The following CPA5 variants were observed in gnomAD, a reference collection of about 807,000 sequenced individuals.
CPA5 encodes carboxypeptidase A5, also known as testicular tissue protein Li 32.
A neutral mutation model predicts 52.2 loss-of-function variants in CPA5; 38 were observed. The observed-to-expected ratio is 0.73, with a 90% CI of 0.56 to 0.95. The LOEUF (loss-of-function observed/expected upper bound fraction) is 0.95. Among genes scored for constraint, CPA5 ranks in the 40% least tolerant of loss-of-function variants. The pLI, the probability that CPA5 is intolerant of heterozygous loss-of-function variation, is 0.00. For missense variants in CPA5, 519 were observed against 566.7 expected, an observed-to-expected ratio of 0.92 and a Z score of 0.86; for synonymous variants, 198 against 213.7, an observed-to-expected ratio of 0.93 and a Z score of 0.64.
At chr7:130,365,319 C>T (rs1281468778) in intron 10 of CPA5, among the ~76,000 whole-genome samples, 6 of 152,198 alleles carry the variant, frequency 3.9e-5, no homozygotes, top group Middle Eastern at 3.4e-3. Context: ...CCATGGATCC[C>T]AAGATAGGCT....
In CPA5 at chr7:130,367,415, G is replaced by A; in HGVS notation, c.882G>A (p.Gly294=). The change falls in exon 11 of 13, where the codon GGG becomes GGA. Residue 294 remains glycine, a synonymous_variant. Transcript: ENST00000474905. The stretch of plus-strand genomic sequence containing the variant: ...ACCCCTGCTCAGAAACTTATCACGG[G>A]CCCTCCCCTCAGTCGGAGCCGGAGG... ...NSNPCSETYH[G]PSPQSEPEVA... The A allele has an allele frequency of 6.2e-7, 1 of 1,614,060 alleles. No homozygotes were observed. The highest frequency in any genetic ancestry group is 8.5e-7 in the Non-Finnish European group (1 of 1,180,008).
downstream of CPA5, among the ~76,000 whole-genome samples, chr7:130,370,261 T>G (rs1196836193): frequency 5.3e-5 from 8 of 152,142 alleles, no homozygotes; most frequent in South Asian, 4.1e-4. Context: ...ACAACCCAGA[T>G]CATCTTCAGG....
downstream of CPA5, among the ~76,000 whole-genome samples, chr7:130,372,122 C>A (rs1554409995): frequency 6.6e-6 from 1 of 152,222 alleles, no homozygotes; most frequent in African/African-American, 2.4e-5. Context: ...TCCTATTATT[C>A]TCTTTTCCAG....
intron 7 of CPA5, 40 bp from the exon 8 acceptor site, chr7:130,362,398 G>A (rs1180780966): frequency 6.8e-7 from 1 of 1,465,420 alleles, no homozygotes; most frequent in African/African-American, 1.4e-5. Context: ...GTAGCTGTCT[G>A]AGTTCAAACC....
In CPA5 at chr7:130,368,026, A is replaced by T. The variant is rs1454478229; in HGVS notation, c.1123+36A>T. The T allele has an allele frequency of 3.2e-6, 5 of 1,576,366 alleles. No individual in the cohort carries two copies. The African/African-American group carries it at 6.7e-5, about 21-fold the overall frequency. On this transcript the variant is annotated intron_variant, in intron 12 of 12. Transcript: ENST00000474905. ...CTCCCCTGGCCCTGCTTCAGACACCACATCTACCTGGGGCTGGCTGCAGGG... is the reference window on the plus strand; with the variant it reads ...CTCCCCTGGCCCTGCTTCAGACACCTCATCTACCTGGGGCTGGCTGCAGGG...
At chr7:130,352,238 A>G (rs1795193370) in intron 5 of CPA5, among the ~76,000 whole-genome samples, 1 of 152,092 alleles carries the variant, frequency 6.6e-6, no homozygotes, top group South Asian at 2.1e-4. Context: ...AGGCAGGGCC[A>G]TTCATTCCAC....
chr7:130,347,817 C>T lies in CPA5; in HGVS notation c.168C>T (p.Leu56=), dbSNP rs200934449. Reference sequence around the variant, plus strand: ...AAGATGAGAAGCAGCTTTCACTTCTCGGGGATCTGGAGGGCCTGAAACCCC... The same window carrying T: ...AAGATGAGAAGCAGCTTTCACTTCTTGGGGATCTGGAGGGCCTGAAACCCC... The part of the protein sequence containing the change: ...LAKDEKQLSL[L]GDLEGLKPQK... The change falls in exon 4 of 13, where the codon CTC becomes CTT. Residue 56 remains leucine (L), a synonymous_variant. Coordinates refer to ENST00000474905, the MANE Select transcript of CPA5 (RefSeq NM_080385.5). 1.5e-5 allele frequency: 25 copies of T among 1,614,104 alleles called. No homozygotes were observed. Among genetic ancestry groups the T allele is most frequent in the African/African-American group, 1.3e-4 (10 of 75,016 alleles).
chr7:130,361,730 C>T (rs1554406704), intron 7 of CPA5, among the ~76,000 whole-genome samples: 1 of 152,172 alleles, frequency 6.6e-6, no homozygotes, highest in African/African-American at 2.4e-5. Context: ...CAGGACCCTG[C>T]AGTTCCTTGG....
chr7:130,349,972 A>C lies in CPA5; in HGVS notation c.199-3A>C, dbSNP rs1554403440. 1 of 1,611,842 alleles carries C rather than the reference A, an allele frequency of 6.2e-7. No homozygotes were observed. The highest frequency in any genetic ancestry group is 1.3e-5 in the African/African-American group (1 of 74,922). On this transcript the variant is annotated splice_region_variant and splice_polypyrimidine_tract_variant and intron_variant, in intron 4 of 12. Coordinates refer to ENST00000474905, the MANE Select transcript of CPA5 (RefSeq NM_080385.5). ...AGCTCTCTCTCTTTCCTTGGTGAAC[A>C]AGGTGGACTTCTGGCGTGGCCCAGC...
At chr7:130,359,454 C>T (rs1795671007) in intron 5 of CPA5, 135 bp from the exon 6 acceptor site, 4 of 611,796 alleles carry the variant, frequency 6.5e-6, no homozygotes, top group Non-Finnish European at 8.7e-6. Context: ...TTCTGTTGTG[C>T]AGTTCACACT....
intron 9 of CPA5, 120 bp from the exon 10 acceptor site, chr7:130,363,299 C>T (rs1423634998): frequency 2.6e-6 from 2 of 761,686 alleles, no homozygotes; most frequent in East Asian, 5.4e-5. Context: ...CTGGCAATTC[C>T]TTCCCTTTGC....
At chr7:130,355,299 C>T (rs1554404933) in intron 5 of CPA5, among the ~76,000 whole-genome samples, 1 of 152,224 alleles carries the variant, frequency 6.6e-6, no homozygotes, top group African/African-American at 2.4e-5. Context: ...CACTCCTCCT[C>T]ATCATCATAG....
chr7:130,346,803 G>T (rs1449354869), intron 3 of CPA5, among the ~76,000 whole-genome samples: 1 of 152,110 alleles, frequency 6.6e-6, no homozygotes, highest in Non-Finnish European at 1.5e-5. Context: ...CCCAAATCCA[G>T]AGTTCTTAAT....
chr7:130,346,375 C>T lies in CPA5; in HGVS notation c.-93-18C>T. 1.3e-6 allele frequency: 1 copy of T among 759,142 alleles called. No individual in the cohort carries two copies. The highest frequency in any genetic ancestry group is 1.8e-5 in the South Asian group (1 of 54,086). The allele number at this position is 759,142 out of a possible 1,614,324, so 47.0% of individuals were successfully genotyped here. A position where few individuals can be genotyped will look rare whatever the true frequency, so the allele number is the denominator to read the frequency against. On this transcript the variant is annotated intron_variant, in intron 2 of 12. Transcript: ENST00000474905. ...GCCACATGCTGGGTGCCCCAGACAG[C>T]CTAATGCTCTTTCTCAGGCTGGGCT...
chr7:130,367,325 T>A, intron 10 of CPA5, 47 bp from the exon 11 acceptor site: 1 of 1,554,856 alleles, frequency 6.4e-7, no homozygotes, highest in Non-Finnish European at 8.8e-7. Flanking sequence ...ACCGTCTGTG[T>A]CGCACGTGGG....
downstream of CPA5, among the ~76,000 whole-genome samples, chr7:130,370,474 T>C (rs1796284668): frequency 6.6e-6 from 1 of 152,236 alleles, no homozygotes; most frequent in African/African-American, 2.4e-5. Flanking sequence ...CTTTGCACAG[T>C]GGAGTCTGTG....
intron 5 of CPA5, among the ~76,000 whole-genome samples, chr7:130,359,212 A>T (rs1251891590): frequency 1.4e-4 from 22 of 152,168 alleles, no homozygotes; most frequent in Non-Finnish European, 1.5e-5. Context: ...TCCCCCAAAA[A>T]CACCTTCAAA....
downstream of CPA5, among the ~76,000 whole-genome samples, chr7:130,369,240 C>T (rs1456341114): frequency 3.3e-5 from 5 of 152,148 alleles, no homozygotes; most frequent in Admixed American, 2.0e-4. Flanking sequence ...GCCAGCACAT[C>T]AAAGCACCGC....
intron 10 of CPA5, among the ~76,000 whole-genome samples, chr7:130,365,145 C>G (rs564387572): frequency 1.3e-5 from 2 of 152,160 alleles, no homozygotes; most frequent in South Asian, 2.1e-4. Flanking sequence ...AAGGATGGCC[C>G]CAAAGCACTG....
Sources: gnomAD v4.1 joint callset for allele counts (sites outside exome capture counted in the v4.1 genomes callset) on GRCh38, gnomAD v4.1.1 for gene constraint, MANE v1.5 for transcripts, NCBI Gene and HGNC (gene_info 2026-07-23, HGNC 2026-07-21) for gene names.